Variants in IGSF21 observed in about 807,000 individuals in gnomAD.
IGSF21 encodes immunoglobin superfamily member 21.
IGSF21 carries 28 observed loss-of-function variants against 46.8 expected under a neutral mutation model. The ratio of observed to expected loss-of-function variants is 0.60; its 90% CI spans 0.44 to 0.82. The LOEUF is 0.82. IGSF21 is among the 40% of genes least tolerant of loss of function. The probability of loss-of-function intolerance (pLI) is 0.00; values close to 1 mark genes in which losing one functional copy is unlikely to be tolerated. For missense variants in IGSF21, 624 were observed against 665.5 expected (o/e 0.94, Z 0.69); for synonymous variants, 284 against 273.6 (o/e 1.04, Z -0.38).
At chr1:18,375,720 A>G (rs2086273510) in intron 6 of IGSF21, among the ~76,000 whole-genome samples, 1 of 152,214 alleles carries the variant, frequency 6.6e-6, no homozygotes, top group South Asian at 2.1e-4. Context: ...ACTCAGGAGT[A>G]GGAGACCCGC....
intron 2 of IGSF21, among the ~76,000 whole-genome samples, chr1:18,271,929 C>A (rs1047632061): frequency 6.6e-6 from 1 of 151,912 alleles, no homozygotes; most frequent in African/African-American, 2.4e-5. Flanking sequence ...AGAGGCAGGG[C>A]AGCATGGCAA....
intron 3 of IGSF21, among the ~76,000 whole-genome samples, chr1:18,305,564 A>ATGGATGGATGGG (rs2085416911): frequency 6.7e-6 from 1 of 149,640 alleles, no homozygotes; most frequent in Non-Finnish European, 1.5e-5. Context: ...GGATGGATGG[A>ATGGATGGATGGG]TGGATGGATG....
chr1:18,202,680 C>T (rs905152234), intron 1 of IGSF21, among the ~76,000 whole-genome samples: 4 of 152,230 alleles, frequency 2.6e-5, no homozygotes, highest in Non-Finnish European at 4.4e-5. Context: ...TGGGGGAAAC[C>T]GGCCCCATAA....
chr1:18,245,253 A>G (rs533439483), intron 2 of IGSF21, among the ~76,000 whole-genome samples: 76 of 152,324 alleles, frequency 5.0e-4, no homozygotes, highest in South Asian at 2.1e-3. Flanking sequence ...TAGAATTTTT[A>G]TAAAGAAAAA....
intron 1 of IGSF21, among the ~76,000 whole-genome samples, chr1:18,174,562 C>T (rs1002579626): frequency 8.5e-5 from 13 of 152,192 alleles, no homozygotes; most frequent in African/African-American, 2.4e-4. Flanking sequence ...TCCCCTCGCT[C>T]GCTCTTGTCA....
chr1:18,289,519 C>T (rs1161232506), intron 2 of IGSF21, among the ~76,000 whole-genome samples: 1 of 152,264 alleles, frequency 6.6e-6, no homozygotes, highest in Admixed American at 6.5e-5. Flanking sequence ...CTCCAAGCCT[C>T]AGTTTCTTTA....
chr1:18,254,623 G>A (rs1479974343), intron 2 of IGSF21, among the ~76,000 whole-genome samples: 1 of 152,152 alleles, frequency 6.6e-6, no homozygotes, highest in African/African-American at 2.4e-5. Flanking sequence ...TGCTCCCAAA[G>A]GGGTATCTCT....
intron 1 of IGSF21, among the ~76,000 whole-genome samples, chr1:18,191,880 C>T (rs1209240054): frequency 6.6e-6 from 1 of 152,114 alleles, no homozygotes; most frequent in African/African-American, 2.4e-5. Flanking sequence ...GAGCCAGGGT[C>T]CGGGATGGGT....
rs2086503570 is a variant in IGSF21, at chr1:18,149,660, T to G, written c.70+41462T>G. On this transcript the variant is annotated intron_variant, in intron 1 of 9. Transcript: ENST00000251296. ...AATAGGTCTTCGTAACATGGGCAGA[T>G]TGTGGAAATCCTGGGTGTTTTTCTG... Among the ~76,000 whole-genome samples, 3 of 123,658 alleles carry G rather than the reference T, an allele frequency of 2.4e-5. No homozygotes were observed. The South Asian group carries it at 1.0e-3, about 41-fold the overall frequency. The allele number at this position is 123,658 out of a possible 152,430, so 81.1% of individuals were successfully genotyped here.
chr1:18,183,866 A>C (rs935762863), intron 1 of IGSF21, among the ~76,000 whole-genome samples: 1 of 152,180 alleles, frequency 6.6e-6, no homozygotes, highest in African/African-American at 2.4e-5. Context: ...CCCACTGGGC[A>C]AGCCTATTCC....
intron 4 of IGSF21, among the ~76,000 whole-genome samples, chr1:18,344,637 A>G (rs1354546432): frequency 6.6e-6 from 1 of 152,064 alleles, no homozygotes; most frequent in Admixed American, 6.6e-5. Context: ...GGCTTCTTCC[A>G]AGCAAAGCCG....
At chr1:18,145,312 T>C (rs1369296702) in intron 1 of IGSF21, among the ~76,000 whole-genome samples, 1 of 152,174 alleles carries the variant, frequency 6.6e-6, no homozygotes, top group Non-Finnish European at 1.5e-5. Flanking sequence ...TACCCTGTTC[T>C]TGCCACCAAT....
chr1:18,335,272 C>T lies in IGSF21; in HGVS notation c.424+262C>T, dbSNP rs2085755239. On this transcript the variant is annotated intron_variant, in intron 4 of 9. Coordinates refer to ENST00000251296, the MANE Select transcript of IGSF21 (RefSeq NM_032880.5). The surrounding 1 kb of genome is among the most constrained non-coding windows in gnomAD (Gnocchi z 4.8). Reference sequence around the variant, plus strand: ...ACAGGTACCCCAACAGGACCCTCCCCAGGGAGTGAAGGATAGCACCTCAGC... The same window carrying T: ...ACAGGTACCCCAACAGGACCCTCCCTAGGGAGTGAAGGATAGCACCTCAGC... 6.6e-6 allele frequency among the ~76,000 whole-genome samples: 1 copy of T among 152,230 alleles called. No homozygotes were observed. Among genetic ancestry groups the T allele is most frequent in the Admixed American group, 6.5e-5 (1 of 15,284 alleles).
chr1:18,115,985 AC>A (rs2086187387), intron 1 of IGSF21: 1 of 152,284 alleles, frequency 6.6e-6, no homozygotes, highest in Non-Finnish European at 1.5e-5. Flanking sequence ...AGACATGTTC[AC>A]ACATAACATC....
Position 18,108,029 on chromosome 1 carries a change from G to C in IGSF21, c.-100G>C. ...GCGCTGCCCGCCACCGCCTCGGCCA[G>C]TGGCCGGAGGCAGGAGCGCGTCTGA... On this transcript the variant is annotated 5_prime_UTR_variant, in exon 1 of 10. Coordinates refer to ENST00000251296, the MANE Select transcript of IGSF21 (RefSeq NM_032880.5). The C allele has an allele frequency of 2.3e-6, 1 of 443,792 alleles. No individual in the cohort carries two copies. The highest frequency in any genetic ancestry group is 3.5e-6 in the Non-Finnish European group (1 of 288,682). The allele number at this position is 443,792 out of a possible 1,614,324, so 27.5% of individuals were successfully genotyped here.
chr1:18,213,189 TTA>T (rs1399363135), intron 1 of IGSF21, among the ~76,000 whole-genome samples: 5 of 152,178 alleles, frequency 3.3e-5, no homozygotes, highest in African/African-American at 1.2e-4. Flanking sequence ...ACCCACTGAT[TTA>T]TTTTGTTGCT....
chr1:18,131,422 C>T (rs2086320574), intron 1 of IGSF21, among the ~76,000 whole-genome samples: 1 of 152,214 alleles, frequency 6.6e-6, no homozygotes, highest in South Asian at 2.1e-4. Flanking sequence ...CCACCGCCTA[C>T]AAGCTGTGTG....
At chr1:18,135,583 A>T (rs887252377) in intron 1 of IGSF21, among the ~76,000 whole-genome samples, 1 of 152,158 alleles carries the variant, frequency 6.6e-6, no homozygotes, top group Admixed American at 6.5e-5. Flanking sequence ...CCTACAAAGG[A>T]TGTGAACTCA....
intron 5 of IGSF21, among the ~76,000 whole-genome samples, chr1:18,362,569 C>T (rs1470858861): frequency 6.6e-6 from 1 of 152,094 alleles, no homozygotes; most frequent in African/African-American, 2.4e-5. Flanking sequence ...AAGGGGGCCC[C>T]GAGAGGAAAA....
Sources: gnomAD v4.1 joint callset for allele counts (sites outside exome capture counted in the v4.1 genomes callset) on GRCh38, gnomAD v4.1.1 for gene constraint, Gnocchi (gnomAD v3.1) non-coding constraint, MANE v1.5 for transcripts, NCBI Gene and HGNC (gene_info 2026-07-23, HGNC 2026-07-21) for gene names.